The following KCNH7 variants were observed in gnomAD, a reference collection of about 807,000 sequenced individuals.
KCNH7 encodes the protein voltage-gated inwardly rectifying potassium channel KCNH7.
Under a neutral mutation model 120.8 loss-of-function variants are expected in KCNH7, and 49 were observed. The ratio of observed to expected loss-of-function variants is 0.41; its 90% CI spans 0.32 to 0.51. The LOEUF (loss-of-function observed/expected upper bound fraction) is 0.51, where lower values mean the gene tolerates loss of function less well. Among genes scored for constraint, KCNH7 ranks in the 20% least tolerant of loss-of-function variants. The pLI is 0.38. For missense variants in KCNH7, 1,097 were observed against 1,446.6 expected (o/e 0.76, Z 3.92); for synonymous variants, 547 against 516.1 (o/e 1.06, Z -0.81).
At chr2:162,701,790 C>T (rs1169181449) in intron 2 of KCNH7, among the ~76,000 whole-genome samples, 1 of 152,146 alleles carries the variant, frequency 6.6e-6, no homozygotes, top group Non-Finnish European at 1.5e-5. Context: ...GGGCTGATCA[C>T]AAAGTCAAGA....
At position 162,789,185 on chromosome 2, in the gene KCNH7, C is replaced by T. The variant is rs184318023; in HGVS notation, c.307+47352G>A. Among the ~76,000 whole-genome samples, 249 of 152,028 alleles carry T rather than the reference C, an allele frequency of 1.6e-3. 1 individual carries two copies. Among genetic ancestry groups the T allele is most frequent in the African/African-American group, 5.8e-3 (240 of 41,524 alleles). On this transcript the variant is annotated intron_variant, in intron 2 of 15. Coordinates refer to ENST00000332142, the MANE Select transcript of KCNH7 (RefSeq NM_033272.4). ...AAACTAACAACATGAAAATATTAAA[C>T]TCACAGTAAATAAGAACATAATCAA...
chr2:162,718,798 C>A (rs1687225813), intron 2 of KCNH7, among the ~76,000 whole-genome samples: 1 of 152,074 alleles, frequency 6.6e-6, no homozygotes, highest in Non-Finnish European at 1.5e-5. Flanking sequence ...CCTTTAATTT[C>A]AAATGTCTCT....
At chr2:162,641,135 T>G (rs1426461695) in intron 2 of KCNH7, among the ~76,000 whole-genome samples, 2 of 152,168 alleles carry the variant, frequency 1.3e-5, no homozygotes, top group Non-Finnish European at 2.9e-5. Flanking sequence ...CTATAAAAAC[T>G]CAACGCAGAA....
At position 162,679,959 on chromosome 2, in the gene KCNH7, GC is replaced by G. The variant is rs566758518; in HGVS notation, c.308-142880del. 2.2e-3 allele frequency among the ~76,000 whole-genome samples: 336 copies of G among 151,776 alleles called. 1 individual carries two copies. Among genetic ancestry groups the G allele is most frequent in the African/African-American group, 7.6e-3 (315 of 41,484 alleles). ...TTTGTTTTATAAAAGTGGAACACAC[GC>G]CATATTTAAATCTGCTGCAGAAACT... On this transcript the variant is annotated intron_variant, in intron 2 of 15. Coordinates refer to ENST00000332142, the MANE Select transcript of KCNH7 (RefSeq NM_033272.4).
At chr2:162,399,896 G>A (rs1307736804) in intron 10 of KCNH7, among the ~76,000 whole-genome samples, 2 of 151,830 alleles carry the variant, frequency 1.3e-5, no homozygotes. Flanking sequence ...CATAAAAAAA[G>A]AATATGCTTA....
At chr2:162,591,331 G>A (rs184037961) in intron 2 of KCNH7, among the ~76,000 whole-genome samples, 17 of 151,440 alleles carry the variant, frequency 1.1e-4, no homozygotes, top group Admixed American at 7.2e-4. Context: ...TCTCCTCAGC[G>A]CTTATAACTG....
At chr2:162,595,397 A>T (rs1273986258) in intron 2 of KCNH7, among the ~76,000 whole-genome samples, 1 of 152,022 alleles carries the variant, frequency 6.6e-6, no homozygotes, top group Non-Finnish European at 1.5e-5. Context: ...GTTCAATATG[A>T]GATTTCAGGT....
Position 162,692,275 on chromosome 2 carries a change from G to A in KCNH7, c.307+144262C>T, listed in dbSNP as rs1032999443. Among the ~76,000 whole-genome samples, 8 of 151,980 alleles carry A rather than the reference G, an allele frequency of 5.3e-5. No individual in the cohort carries two copies. In the East Asian group the frequency reaches 7.8e-4, roughly 15 times the overall value. On this transcript the variant is annotated intron_variant, in intron 2 of 15. Transcript: ENST00000332142. ...CAAGTAGCTAGGACAATAGGCACAC[G>A]CCACCACACATGGCTAACTTTTTGT...
At chr2:162,763,960 T>C (rs1168601375) in intron 2 of KCNH7, among the ~76,000 whole-genome samples, 2 of 152,036 alleles carry the variant, frequency 1.3e-5, no homozygotes, top group East Asian at 3.9e-4. Context: ...GGAGTCTATG[T>C]GTGTGAAATG....
At chr2:162,836,821 G>A (rs368022398) in intron 1 of KCNH7, 54 bp from the exon 2 acceptor site, 56 of 1,294,124 alleles carry the variant, frequency 4.3e-5, no homozygotes, top group Non-Finnish European at 6.0e-5. Flanking sequence ...AATATTCTCC[G>A]TAACACTGAA....
intron 2 of KCNH7, among the ~76,000 whole-genome samples, chr2:162,764,407 AT>A (rs1383153611): frequency 6.6e-6 from 1 of 152,168 alleles, no homozygotes; most frequent in Non-Finnish European, 1.5e-5. Context: ...CCTTCATAAT[AT>A]TTTATAGACA....
chr2:162,501,032 C>T (rs1027806093), intron 6 of KCNH7, among the ~76,000 whole-genome samples: 7 of 151,994 alleles, frequency 4.6e-5, no homozygotes, highest in Non-Finnish European at 8.8e-5. Flanking sequence ...ATAAAATTTC[C>T]AGAGGCTATG....
intron 6 of KCNH7, among the ~76,000 whole-genome samples, chr2:162,492,865 G>GTTTTTTTTTTTTT (rs67006443): frequency 1.7e-5 from 1 of 57,180 alleles, no homozygotes; most frequent in African/African-American, 5.7e-5. Flanking sequence ...CTTGGATCTT[G>GTTTTTTTTTTTTT]TTTTTTTTTT....
chr2:162,552,408 T>C (rs1011359164), intron 2 of KCNH7, among the ~76,000 whole-genome samples: 2 of 151,756 alleles, frequency 1.3e-5, no homozygotes, highest in African/African-American at 4.8e-5. Context: ...AAATGAAAAA[T>C]AAGAACAAAA....
chr2:162,740,616 T>A (rs1215042073), intron 2 of KCNH7, among the ~76,000 whole-genome samples: 1 of 152,196 alleles, frequency 6.6e-6, no homozygotes, highest in Non-Finnish European at 1.5e-5. Flanking sequence ...GATGTTTCAA[T>A]AGAAATCAAA....
intron 2 of KCNH7, among the ~76,000 whole-genome samples, chr2:162,700,647 A>G (rs558487765): frequency 6.6e-6 from 1 of 152,332 alleles, no homozygotes; most frequent in South Asian, 2.1e-4. Flanking sequence ...GCATATTTGA[A>G]AAATAAAGAT....
chr2:162,762,463 CTA>C (rs1689001042), intron 2 of KCNH7, among the ~76,000 whole-genome samples: 1 of 151,930 alleles, frequency 6.6e-6, no homozygotes, highest in African/African-American at 2.4e-5. Flanking sequence ...GGAAGAAAGA[CTA>C]TGGATTTTAG....
chr2:162,770,325 CAT>C (rs3052917), intron 2 of KCNH7, among the ~76,000 whole-genome samples: 41,080 of 148,690 alleles, frequency 0.28, 6,605 homozygotes, highest in African/African-American at 0.45. Flanking sequence ...TACATATTTA[CAT>C]ATATATATAT....
intron 2 of KCNH7, among the ~76,000 whole-genome samples, chr2:162,814,878 T>C (rs2105577195): frequency 6.6e-6 from 1 of 152,292 alleles, no homozygotes; most frequent in Non-Finnish European, 1.5e-5. Flanking sequence ...CCAAGCCTTC[T>C]ACTAAGTCTG....
Sources: gnomAD v4.1 joint callset for allele counts (sites outside exome capture counted in the v4.1 genomes callset) on GRCh38, gnomAD v4.1.1 for gene constraint, MANE v1.5 for transcripts, NCBI Gene and HGNC (gene_info 2026-07-23, HGNC 2026-07-21) for gene names.